The following SCGB2B2 variants were observed in gnomAD, a reference collection of about 807,000 sequenced individuals.
The protein encoded by SCGB2B2 is secretoglobin-like protein.
SCGB2B2 carries 11 observed loss-of-function variants against 7.6 expected under a neutral mutation model. The ratio of observed to expected loss-of-function variants is 1.45; its 90% CI spans 0.91 to 2.40. SCGB2B2 has a LOEUF of 2.40. Ranked by LOEUF, SCGB2B2 falls within the 30% of genes most tolerant of loss-of-function variation. The probability of loss-of-function intolerance (pLI) is 0.00; values close to 1 mark genes in which losing one functional copy is unlikely to be tolerated. For synonymous variants in SCGB2B2, 50 were observed against 48.6 expected (o/e 1.03, Z -0.12); for missense variants, 104 against 115.4 (o/e 0.90, Z 0.45).
In SCGB2B2 at chr19:34,594,229, C is replaced by T. The variant is rs749595919; in HGVS notation, c.192G>A (p.Gln64=). The T allele has an allele frequency of 1.4e-5, 22 of 1,614,004 alleles. No individual in the cohort carries two copies. The South Asian group carries it at 2.4e-4, about 18-fold the overall frequency. ...TCACGGAGACATTGGCAAAGCATTG[C>T]TGGACATTGAGGAAGGACTCCTCTG... ...PLTEESFLNV[Q]QCFANVSVTE... Residue 64 remains glutamine (Q), a synonymous_variant, in exon 3 of 4, where the codon CAG becomes CAA. Transcript: ENST00000601241.
chr19:34,673,927 A>G (rs2067861024), intron 1 of SCGB2B2, among the ~76,000 whole-genome samples: 1 of 152,176 alleles, frequency 6.6e-6, no homozygotes, highest in Admixed American at 6.5e-5. Context: ...TTCCCTAACG[A>G]TGGGGCATTC....
At chr19:34,635,210 G>A in intron 1 of SCGB2B2, 2 of 289,562 alleles carry the variant, frequency 6.9e-6, no homozygotes, top group Non-Finnish European at 1.4e-5. Context: ...ACTCTCGGGT[G>A]TATAATCATG....
At chr19:34,673,945 A>AG (rs2067861769) in intron 1 of SCGB2B2, among the ~76,000 whole-genome samples, 1 of 152,192 alleles carries the variant, frequency 6.6e-6, no homozygotes, top group Admixed American at 6.5e-5. Flanking sequence ...TTCACAAGTT[A>AG]GGGGTTTAAC....
chr19:34,636,077 T>C (rs1427358517), intron 1 of SCGB2B2, among the ~76,000 whole-genome samples: 1 of 152,244 alleles, frequency 6.6e-6, no homozygotes, highest in Admixed American at 6.5e-5. Flanking sequence ...AGCCCTGACC[T>C]GTGACACTCC....
chr19:34,643,669 A>G (rs1382909605), intron 1 of SCGB2B2, among the ~76,000 whole-genome samples: 2 of 152,212 alleles, frequency 1.3e-5, no homozygotes, highest in East Asian at 3.8e-4. Context: ...CTGTAACAAA[A>G]TACCTCATGT....
intron 2 of SCGB2B2, 62 bp from the exon 3 acceptor site, chr19:34,594,421 G>A: frequency 6.3e-7 from 1 of 1,599,228 alleles, no homozygotes; most frequent in Non-Finnish European, 8.6e-7. Flanking sequence ...AACCTCCCAT[G>A]GCCAATGAGA....
At chr19:34,608,686 C>T (rs1389001413) in intron 1 of SCGB2B2, 24 of 34,896 alleles carry the variant, frequency 6.9e-4, no homozygotes, top group Admixed American at 1.3e-3. Flanking sequence ...TATATATATA[C>T]CGTATTTTCT....
In SCGB2B2 at chr19:34,675,260, CAT is replaced by C. The variant is rs764783472; in HGVS notation, c.-2032+368_-2032+369del. On this transcript the variant is annotated intron_variant, in intron 1 of 3. Coordinates refer to ENST00000601241, the MANE Select transcript of SCGB2B2 (RefSeq NM_001025591.4). ...ACAATTCATGATTGTATAGTAAAAT[CAT>C]AGATGGAAACATGCTTTGCACAATC... is the stretch of plus-strand genomic sequence containing the variant. Among the ~76,000 whole-genome samples the C allele has an allele frequency of 3.3e-5, 5 of 152,300 alleles. No homozygotes were observed. The East Asian group carries it at 9.6e-4, about 29-fold the overall frequency.
downstream of SCGB2B2, among the ~76,000 whole-genome samples, chr19:34,588,535 G>T (rs2065230105): frequency 6.6e-6 from 1 of 152,176 alleles, no homozygotes; most frequent in Admixed American, 6.5e-5. Context: ...AACCTGCATA[G>T]GTTTTTGGAA....
rs138452563 is a variant in SCGB2B2 at position 34,655,784 on chromosome 19, G to A, written c.-2032+19846C>T. Among the ~76,000 whole-genome samples the A allele has an allele frequency of 1.6e-3, 249 of 151,330 alleles. 21 individuals are homozygous for A. Among genetic ancestry groups the A allele is most frequent in the African/African-American group, 5.8e-3 (237 of 40,640 alleles). On this transcript the variant is annotated intron_variant, in intron 1 of 3. Transcript: ENST00000601241. The stretch of plus-strand genomic sequence containing the variant: ...AGTGAGAAACCCAAGGCAAGCAAGA[G>A]CAACATATCTAACGAGAGGCAAGGA...
At chr19:34,660,059 G>A (rs1488249213) in intron 1 of SCGB2B2, among the ~76,000 whole-genome samples, 1 of 152,202 alleles carries the variant, frequency 6.6e-6, no homozygotes, top group Non-Finnish European at 1.5e-5. Context: ...AATAAATGGT[G>A]CTGGGAAAAC....
chr19:34,609,556 C>T (rs923225641), intron 1 of SCGB2B2, among the ~76,000 whole-genome samples: 12 of 152,096 alleles, frequency 7.9e-5, no homozygotes, highest in African/African-American at 2.9e-4. Context: ...ATTTTCCCAG[C>T]ACCATTTATT....
intron 1 of SCGB2B2, among the ~76,000 whole-genome samples, chr19:34,663,643 G>T (rs1344334184): frequency 3.3e-5 from 5 of 152,176 alleles, no homozygotes; most frequent in Non-Finnish European, 7.3e-5. Context: ...AACTGCAGGG[G>T]TATTGTGAGG....
rs1475226603 is a variant in SCGB2B2, at chr19:34,616,503, G to C, written c.-2031-19909C>G. On this transcript the variant is annotated intron_variant, in intron 1 of 3. Transcript: ENST00000601241. ...AAATGTCTTCTTTTGAGAAGTGTCT[G>C]TTCATGTCCTTCGCCCACTTTTTGA... is the stretch of plus-strand genomic sequence containing the variant. Among the ~76,000 whole-genome samples the C allele has an allele frequency of 3.2e-5, 4 of 125,786 alleles. 1 individual carries two copies. Among genetic ancestry groups the C allele is most frequent in the Non-Finnish European group, 7.3e-5 (4 of 54,714 alleles). 82.5% of individuals were successfully genotyped at this position (125,786 alleles called of 152,430 possible).
intron 1 of SCGB2B2, among the ~76,000 whole-genome samples, chr19:34,599,770 C>T (rs750570120): frequency 3.8e-4 from 58 of 152,246 alleles, no homozygotes; most frequent in Admixed American, 2.3e-3. Flanking sequence ...CCCCCTGTTC[C>T]TCAGTCTTCC....
chr19:34,629,840 AT>A (rs1392159674), intron 1 of SCGB2B2, among the ~76,000 whole-genome samples: 1 of 152,060 alleles, frequency 6.6e-6, no homozygotes, highest in Non-Finnish European at 1.5e-5. Context: ...AGCTGGAGGC[AT>A]CACGCTACCT....
intron 1 of SCGB2B2, among the ~76,000 whole-genome samples, chr19:34,600,220 C>T (rs898505079): frequency 6.6e-6 from 1 of 152,116 alleles, no homozygotes; most frequent in East Asian, 1.9e-4. Context: ...TGGCTGGGAT[C>T]GTAATGTGTC....
intron 1 of SCGB2B2, among the ~76,000 whole-genome samples, chr19:34,619,506 A>C (rs1162240837): frequency 6.6e-6 from 1 of 152,216 alleles, no homozygotes; most frequent in Non-Finnish European, 1.5e-5. Flanking sequence ...GTCTCCAAAG[A>C]GATGGCAAGC....
At chr19:34,587,678 A>C (rs1487374207), downstream of SCGB2B2, among the ~76,000 whole-genome samples, 1 of 152,178 alleles carries the variant, frequency 6.6e-6, no homozygotes, top group Non-Finnish European at 1.5e-5. Flanking sequence ...CTTGCCATAC[A>C]TCGATTTATT....
Sources: allele counts gnomAD v4.1 joint callset (sites outside exome capture counted in the v4.1 genomes callset), GRCh38; gene constraint gnomAD v4.1.1; transcripts MANE v1.5; gene names NCBI Gene and HGNC (gene_info 2026-07-23, HGNC 2026-07-21).